KLF13: variants seen among roughly 807,000 people sequenced by gnomAD.
KLF13 encodes the protein Krueppel-like factor 13.
Under a neutral mutation model 16.7 loss-of-function variants are expected in KLF13, and 8 were observed. That is an observed-to-expected ratio of 0.48 (90% CI 0.28 to 0.87). KLF13 has a LOEUF of 0.87. KLF13 is among the 40% of genes least tolerant of loss of function. The pLI, the probability that KLF13 is intolerant of heterozygous loss-of-function variation, is 0.10. For synonymous variants in KLF13, 245 were observed against 208.4 expected (o/e 1.18, Z -1.51); for missense variants, 447 against 452.2 (o/e 0.99, Z 0.10).
In KLF13 at chr15:31,331,612, T is replaced by G. The variant is rs186863825; in HGVS notation, c.577+3823T>G. ...TTTACCCAGGGCAAAGCCAGGCTTG[T>G]TGGTGGCCTGTGCTTTGTTCAGAGA... On this transcript the variant is annotated intron_variant, in intron 1 of 1. Transcript: ENST00000307145. 2.0e-3 allele frequency among the ~76,000 whole-genome samples: 309 copies of G among 152,296 alleles called. 3 individuals are homozygous for G. The highest frequency in any genetic ancestry group is 7.1e-3 in the African/African-American group (293 of 41,558).
At chr15:31,340,691 C>T (rs971417196) in intron 1 of KLF13, among the ~76,000 whole-genome samples, 9 of 152,014 alleles carry the variant, frequency 5.9e-5, no homozygotes, top group African/African-American at 2.2e-4. Context: ...CCCAGAAGTT[C>T]GAGACCAGCT....
At position 31,402,012 on chromosome 15, in the gene KLF13, C is replaced by T. The variant is rs144747013; in HGVS notation, n.530-1416C>T. Among the ~76,000 whole-genome samples, 441 of 152,366 alleles carry T rather than the reference C, an allele frequency of 2.9e-3. 1 individual carries two copies. The highest frequency in any genetic ancestry group is 0.01 in the African/African-American group (422 of 41,588). On this transcript the variant is annotated intron_variant and non_coding_transcript_variant, in intron 2 of 2. Transcript: ENST00000500533. ...AGAAGAGCACGTTTGGAGGCAGATC[C>T]TGCTGCCATCCACTTCGCAGAATGC... is the stretch of plus-strand genomic sequence containing the variant.
chr15:31,421,884 C>T (rs1274147359), intron 1 of KLF13, among the ~76,000 whole-genome samples: 7 of 152,028 alleles, frequency 4.6e-5, no homozygotes, highest in South Asian at 2.1e-4. Context: ...GAGGCCAGGA[C>T]GGGCAGATCA....
intron 1 of KLF13, among the ~76,000 whole-genome samples, chr15:31,423,096 TA>T: frequency 1.4e-5 from 2 of 140,344 alleles, no homozygotes; most frequent in Non-Finnish European, 3.1e-5. Context: ...TATACGTATA[TA>T]TACGTATACG....
rs1566848109 is a variant in KLF13, at chr15:31,423,106, C to CGTATATATACGTATATATACGTATAT, written n.118-12259_118-12258insTATACGTATATATACGTATATGTATA. Among the ~76,000 whole-genome samples, 13 of 54,136 alleles carry CGTATATATACGTATATATACGTATAT rather than the reference C, an allele frequency of 2.4e-4. 2 individuals carry two copies. The highest frequency in any genetic ancestry group is 6.6e-4 in the Admixed American group (4 of 6,068). 35.5% of individuals were successfully genotyped at this position (54,136 alleles called of 152,430 possible). A position where few individuals can be genotyped will look rare whatever the true frequency, so the allele number is the denominator to read the frequency against. ...ATATATATACGTATATATACGTATA[C>CGTATATATACGTATATATACGTATAT]GTATACGTATATATACGTATATATA... On this transcript the variant is annotated intron_variant and non_coding_transcript_variant, in intron 1 of 1. Coordinates refer to the KLF13 transcript ENST00000558225.
intron 1 of KLF13, among the ~76,000 whole-genome samples, chr15:31,367,134 C>T (rs905156012): frequency 6.6e-6 from 1 of 152,238 alleles, no homozygotes; most frequent in African/African-American, 2.4e-5. Flanking sequence ...TTCCCGCCTC[C>T]ACCCGTTCTC....
intron 1 of KLF13, among the ~76,000 whole-genome samples, chr15:31,433,555 G>T (rs999314726): frequency 6.6e-6 from 1 of 152,104 alleles, no homozygotes; most frequent in Non-Finnish European, 1.5e-5. Context: ...TGCGATCAGG[G>T]CAGTGAGCCA....
At chr15:31,346,845 T>G (rs1046693848) in intron 1 of KLF13, among the ~76,000 whole-genome samples, 1 of 152,170 alleles carries the variant, frequency 6.6e-6, no homozygotes, top group Non-Finnish European at 1.5e-5. Flanking sequence ...CTGCCACCAC[T>G]CTGCACCCCT....
intron 1 of KLF13, among the ~76,000 whole-genome samples, chr15:31,383,552 G>T (rs921452350): frequency 1.3e-5 from 2 of 152,222 alleles, no homozygotes; most frequent in South Asian, 2.1e-4. Context: ...ATATGTTCTT[G>T]TGAATGCAGC....
At chr15:31,341,176 A>C (rs2039015855) in intron 1 of KLF13, among the ~76,000 whole-genome samples, 1 of 152,182 alleles carries the variant, frequency 6.6e-6, no homozygotes, top group Non-Finnish European at 1.5e-5. Context: ...TTTGTTATCT[A>C]AACAGAGGCA....
In KLF13 at chr15:31,376,308, A is replaced by ACTC; in HGVS notation, c.*4009_*4010insCTC. ...TGTGGCTGTGTGTACAGGGCTACCT[A>ACTC]TTTTGACTTCTGACAGGTGTCACTG... On this transcript the variant is annotated 3_prime_UTR_variant, in exon 2 of 2. Transcript: ENST00000307145. 1 of 128,004 alleles carries ACTC rather than the reference A, an allele frequency of 7.8e-6. No individual in the cohort carries two copies. The highest frequency in any genetic ancestry group is 2.9e-5 in the African/African-American group (1 of 34,792). 7.9% of individuals were successfully genotyped at this position (128,004 alleles called of 1,614,324 possible). A position where few individuals can be genotyped will look rare whatever the true frequency, so the allele number is the denominator to read the frequency against.
chr15:31,408,305 G>A (rs1474567644), downstream of KLF13, among the ~76,000 whole-genome samples: 1 of 152,170 alleles, frequency 6.6e-6, no homozygotes, highest in Non-Finnish European at 1.5e-5. Flanking sequence ...AGAGAAGACC[G>A]AGGAGACTCT....
intron 1 of KLF13, among the ~76,000 whole-genome samples, chr15:31,347,878 T>G (rs2039150002): frequency 6.6e-6 from 1 of 152,176 alleles, no homozygotes. Flanking sequence ...GGAAGGTGTG[T>G]TGTTGGCTTC....
chr15:31,427,726 G>A (rs2040416800), intron 1 of KLF13, among the ~76,000 whole-genome samples: 3 of 152,188 alleles, frequency 2.0e-5, no homozygotes, highest in Admixed American at 6.5e-5. Context: ...CAGGAAACAT[G>A]GTGGCTTCTG....
At chr15:31,368,517 ACTTCTT>A (rs746912377) in intron 1 of KLF13, among the ~76,000 whole-genome samples, 4 of 152,300 alleles carry the variant, frequency 2.6e-5, no homozygotes, top group African/African-American at 9.6e-5. Context: ...ATATTTAAAC[ACTTCTT>A]CTTCTTGTTA....
chr15:31,398,257 G>A (rs1465585817), intron 2 of KLF13, among the ~76,000 whole-genome samples: 9 of 152,288 alleles, frequency 5.9e-5, no homozygotes, highest in Non-Finnish European at 4.4e-5. Flanking sequence ...GCACAACCAT[G>A]GCCATCACAG....
At chr15:31,407,462 T>C (rs1280823698), downstream of KLF13, among the ~76,000 whole-genome samples, 1 of 152,216 alleles carries the variant, frequency 6.6e-6, no homozygotes, top group African/African-American at 2.4e-5. Flanking sequence ...GAAGGCTTCC[T>C]TCAAGGCTGG....
intron 1 of KLF13, among the ~76,000 whole-genome samples, chr15:31,334,206 C>T (rs969779373): frequency 1.2e-4 from 19 of 152,218 alleles, no homozygotes; most frequent in African/African-American, 3.9e-4. Flanking sequence ...ATGAAAATGG[C>T]TCCAGATGGT....
intron 1 of KLF13, among the ~76,000 whole-genome samples, chr15:31,333,644 A>G (rs1355227357): frequency 6.6e-6 from 1 of 152,038 alleles, no homozygotes; most frequent in East Asian, 1.9e-4. Flanking sequence ...TAAATATTAT[A>G]TATTATCTGA....
Sources: allele counts gnomAD v4.1 joint callset (sites outside exome capture counted in the v4.1 genomes callset), GRCh38; gene constraint gnomAD v4.1.1; transcripts MANE v1.5; gene names NCBI Gene and HGNC (gene_info 2026-07-23, HGNC 2026-07-21).